The following FHL1 variants were observed in gnomAD, a reference collection of about 807,000 sequenced individuals.
FHL1 encodes four and a half LIM domains protein 1.
Under a neutral mutation model 20.3 loss-of-function variants are expected in FHL1, and 1 was observed. The observed-to-expected ratio is 0.05, with a 90% confidence interval of 0.02 to 0.23. The LOEUF is 0.23. FHL1 is among the 10% of genes least tolerant of loss of function. The probability of loss-of-function intolerance (pLI) is 1.00; values close to 1 mark genes in which losing one functional copy is unlikely to be tolerated. For synonymous variants in FHL1, 82 were observed against 88.9 expected (o/e 0.92, Z 0.44); for missense variants, 177 against 234.0 (o/e 0.76, Z 1.59).
At chrX:136,168,937 G>C (rs1190104859), upstream of FHL1, among the ~76,000 whole-genome samples, 2 of 111,697 alleles carry the variant, frequency 1.8e-5, 1 homozygote. Flanking sequence ...TATACTTCTT[G>C]AGAGCTTCCT....
At chrX:136,192,772 T>C (rs1251690066), upstream of FHL1, among the ~76,000 whole-genome samples, 1 of 111,762 alleles carries the variant, frequency 8.9e-6, no homozygotes, top group African/African-American at 3.3e-5. Flanking sequence ...AGCAGTGACT[T>C]TGCAAAATTG....
intron 1 of FHL1, among the ~76,000 whole-genome samples, chrX:136,202,073 G>C (rs1421748941): frequency 8.9e-6 from 1 of 112,253 alleles, no homozygotes; most frequent in African/African-American, 3.2e-5. Flanking sequence ...AAAAGAAGAG[G>C]TAAAATGCTG....
intron 1 of FHL1, among the ~76,000 whole-genome samples, chrX:136,154,605 A>G (rs1052604310): frequency 5.3e-5 from 6 of 112,581 alleles, no homozygotes; most frequent in African/African-American, 1.9e-4. Flanking sequence ...TAAAGATTGC[A>G]TCTGCTTCCA....
chrX:136,170,855 C>G (rs1037993125), intron 2 of FHL1, among the ~76,000 whole-genome samples: 1 of 111,220 alleles, frequency 9.0e-6, no homozygotes, highest in African/African-American at 3.3e-5. Context: ...TTCACCCTGC[C>G]CACCCCTGCA....
Position 136,211,205 on chromosome X carries a change from T to C in FHL1, c.*1180T>C. On this transcript the variant is annotated 3_prime_UTR_variant, in exon 6 of 6. Transcript: ENST00000370683. ...TATATGACATAGTATAATGAGACAA[T>C]ATCAAAAGTAAACATGTAATGACAA... is the stretch of plus-strand genomic sequence containing the variant. 2.8e-6 allele frequency: 1 copy of C among 362,615 alleles called. No individual in the cohort carries two copies. The highest frequency in any genetic ancestry group is 5.3e-6 in the Non-Finnish European group (1 of 189,944). The allele number at this position is 362,615 out of a possible 1,213,427, so 29.9% of individuals were successfully genotyped here. A position where few individuals can be genotyped will look rare whatever the true frequency, so the allele number is the denominator to read the frequency against.
Position 136,211,312 on chromosome X carries a change from C to T in FHL1, c.*1287C>T, listed in dbSNP as rs1449554496. The T allele has an allele frequency of 2.3e-5, 7 of 300,816 alleles. No individual in the cohort carries two copies. Among genetic ancestry groups the T allele is most frequent in the Non-Finnish European group, 3.8e-5 (6 of 159,335 alleles). 24.8% of individuals were successfully genotyped at this position (300,816 alleles called of 1,213,427 possible). A position where few individuals can be genotyped will look rare whatever the true frequency, so the allele number is the denominator to read the frequency against. ...TCTGTCATTAGCTATTATCATCTAA[C>T]GTTTCAGTGTATCCTTACAGAAATA... On this transcript the variant is annotated 3_prime_UTR_variant, in exon 6 of 6. Coordinates refer to ENST00000370683, the MANE Select transcript of FHL1 (RefSeq NM_001159699.2).
At chrX:136,169,815 A>G (rs938084204) in intron 1 of FHL1, 10 of 329,844 alleles carry the variant, frequency 3.0e-5, no homozygotes, top group Admixed American at 1.9e-4. Flanking sequence ...GAGCCATTTC[A>G]TAGGAAGTTG....
At chrX:136,147,123 T>G (rs2072114312), upstream of FHL1, 1 of 213,713 alleles carries the variant, frequency 4.7e-6, no homozygotes, top group Admixed American at 5.6e-5. Context: ...CGCAGGCCTC[T>G]AAGGACCGCT....
chrX:136,168,806 T>C (rs2042601232), upstream of FHL1, among the ~76,000 whole-genome samples: 1 of 111,653 alleles, frequency 9.0e-6, no homozygotes, highest in African/African-American at 3.3e-5. Flanking sequence ...ACATTAACAG[T>C]TTTTCCATTT....
At chrX:136,151,368 G>A (rs770202334) in intron 1 of FHL1, among the ~76,000 whole-genome samples, 3 of 112,938 alleles carry the variant, frequency 2.7e-5, no homozygotes, top group Non-Finnish European at 5.6e-5. Context: ...CAATAACAGC[G>A]TCTTGAGGTG....
chrX:136,159,329 G>T (rs2072504706), intron 1 of FHL1, among the ~76,000 whole-genome samples: 1 of 110,612 alleles, frequency 9.0e-6, no homozygotes, highest in South Asian at 3.9e-4. Flanking sequence ...ATCACTTAAG[G>T]CCAGGAGTTT....
At chrX:136,158,426 C>T (rs904748872) in intron 1 of FHL1, among the ~76,000 whole-genome samples, 3 of 111,922 alleles carry the variant, frequency 2.7e-5, no homozygotes, top group Non-Finnish European at 5.6e-5. Context: ...CATGCGTCGT[C>T]TCCTCTTGCC....
In FHL1 at chrX:136,207,812, A is replaced by G. The variant is rs781053469; in HGVS notation, c.400A>G (p.Lys134Glu). 35 of 1,210,210 alleles carry G rather than the reference A, an allele frequency of 2.9e-5. No homozygotes were observed. The highest frequency in any genetic ancestry group is 3.8e-5 in the Non-Finnish European group (34 of 895,234). ...TGCAGGAGATCAAAACGTGGAGTACAAGGGGACCGTCTGGCACAAAGACTG... is the reference window on the plus strand; with the variant it reads ...TGCAGGAGATCAAAACGTGGAGTACGAGGGGACCGTCTGGCACAAAGACTG... ...IVAGDQNVEY[K>E]GTVWHKDCFT... Residue 134 changes from lysine (K) to glutamate (E), a missense_variant, in exon 4 of 6, where the codon AAG becomes GAG. Coordinates refer to ENST00000370683, the MANE Select transcript of FHL1 (RefSeq NM_001159699.2).
intron 1 of FHL1, among the ~76,000 whole-genome samples, chrX:136,202,534 G>T (rs942437823): frequency 3.6e-5 from 4 of 111,565 alleles, no homozygotes; most frequent in African/African-American, 9.8e-5. Flanking sequence ...AAGGCAGGTG[G>T]ATCATGAGGT....
In FHL1 at chrX:136,197,052, T is replaced by C. The variant is rs1025325384; in HGVS notation, c.-61T>C. The C allele has an allele frequency of 1.7e-6, 2 of 1,162,194 alleles. No homozygotes were observed. Among genetic ancestry groups the C allele is most frequent in the African/African-American group, 3.6e-5 (2 of 56,103 alleles). On this transcript the variant is annotated 5_prime_UTR_variant, in exon 1 of 6. Coordinates refer to ENST00000370683, the MANE Select transcript of FHL1 (RefSeq NM_001159699.2). The stretch of plus-strand genomic sequence containing the variant: ...TATGTTCACAAATGAGCCACAGCCT[T>C]ATCAGCTGGGGTTGAGGGAAGACTG...
At chrX:136,187,053 A>G (rs2073322944) in intron 2 of FHL1, among the ~76,000 whole-genome samples, 1 of 110,492 alleles carries the variant, frequency 9.1e-6, no homozygotes, top group Non-Finnish European at 1.9e-5. Context: ...TTCTCTGAAT[A>G]TAAATAAATA....
chrX:136,205,303 G>C (rs2073812532), intron 1 of FHL1, among the ~76,000 whole-genome samples: 2 of 111,442 alleles, frequency 1.8e-5, no homozygotes, highest in South Asian at 7.6e-4. Context: ...GGACCAGGGA[G>C]GGAAGAGGGG....
chrX:136,178,106 C>A (rs1170509672), intron 2 of FHL1, among the ~76,000 whole-genome samples: 1 of 111,928 alleles, frequency 8.9e-6, no homozygotes, highest in African/African-American at 3.2e-5. Context: ...GGCCTGAAGT[C>A]CTTAATAATG....
At chrX:136,194,638 A>G (rs907836769), upstream of FHL1, among the ~76,000 whole-genome samples, 2 of 112,003 alleles carry the variant, frequency 1.8e-5, no homozygotes, top group African/African-American at 6.5e-5. Flanking sequence ...TGTAAACAGT[A>G]CAGTGATTCT....
Sources: gnomAD v4.1 joint callset for allele counts (sites outside exome capture counted in the v4.1 genomes callset) on GRCh38, gnomAD v4.1.1 for gene constraint, MANE v1.5 for transcripts, NCBI Gene and HGNC (gene_info 2026-07-23, HGNC 2026-07-21) for gene names.